HNRNPUL1: variants seen among roughly 807,000 people sequenced by gnomAD.
HNRNPUL1 encodes heterogeneous nuclear ribonucleoprotein U like 1.
A neutral mutation model predicts 108.5 loss-of-function variants in HNRNPUL1; 14 were observed. The observed-to-expected ratio is 0.13, with a 90% CI of 0.09 to 0.20. The LOEUF is 0.20. HNRNPUL1 is among the 10% of genes least tolerant of loss of function. The pLI, the probability that HNRNPUL1 is intolerant of heterozygous loss-of-function variation, is 1.00. For missense variants in HNRNPUL1, 804 were observed against 1,168.3 expected (o/e 0.69, Z 4.55); for synonymous variants, 422 against 445.2 (o/e 0.95, Z 0.66).
At chr19:41,297,733 C>T (rs2036972819) in intron 10 of HNRNPUL1, among the ~76,000 whole-genome samples, 1 of 152,178 alleles carries the variant, frequency 6.6e-6, no homozygotes, top group Admixed American at 6.5e-5. Flanking sequence ...CCAGGCCAGG[C>T]ATCAGTTAGA....
At position 41,305,824 on chromosome 19, in the gene HNRNPUL1, C is replaced by A. The variant is rs767942940; in HGVS notation, c.2411C>A (p.Thr804Asn). Reference sequence around the variant, plus strand: ...CCCTATACCCCACCGCCACCCCCCACTGCACAGACCTACCCTCAGCCCAGC... The same window carrying A: ...CCCTATACCCCACCGCCACCCCCCAATGCACAGACCTACCCTCAGCCCAGC... ...PAPYTPPPPPTAQTYPQPSYN... is the reference protein window; with the variant it reads ...PAPYTPPPPPNAQTYPQPSYN... Residue 804 changes from threonine (T) to asparagine (N), a missense_variant, in exon 14 of 15, where the codon ACT becomes AAT. Physicochemically the swap from Thr to Asn is moderately conservative, Grantham distance 65 (BLOSUM62 0). Coordinates refer to ENST00000392006, the MANE Select transcript of HNRNPUL1 (RefSeq NM_007040.6). 7 of 1,609,580 alleles carry A rather than the reference C, an allele frequency of 4.3e-6. No individual in the cohort carries two copies. The highest frequency in any genetic ancestry group is 1.7e-5 in the Admixed American group (1 of 59,894).
At chr19:41,303,011 C>G in intron 12 of HNRNPUL1, 62 bp downstream of exon 12, 3 of 1,479,344 alleles carry the variant, frequency 2.0e-6, no homozygotes, top group Non-Finnish European at 2.7e-6. Context: ...TGGGCTTTGA[C>G]TGCTTATTCA....
chr19:41,265,476 T>C, intron 1 of HNRNPUL1: 1 of 1,189,722 alleles, frequency 8.4e-7, no homozygotes, highest in South Asian at 1.6e-5. Flanking sequence ...GGCACCCCCA[T>C]CTCTCTTCCG....
intron 11 of HNRNPUL1, 197 bp from the exon 12 acceptor site, chr19:41,302,468 C>T (rs1399280012): frequency 1.4e-6 from 1 of 690,192 alleles, no homozygotes; most frequent in Admixed American, 2.1e-5. Context: ...ATCCACCCGC[C>T]TCGGCCTCCC....
rs988094890 is a variant in HNRNPUL1 at position 41,291,245 on chromosome 19, C to T, written c.1000-1000C>T. Among the ~76,000 whole-genome samples, 5 of 152,170 alleles carry T rather than the reference C, an allele frequency of 3.3e-5. 1 individual carries two copies. The South Asian group carries it at 6.2e-4, about 19-fold the overall frequency. On this transcript the variant is annotated intron_variant, in intron 7 of 14. Transcript: ENST00000392006. ...ACAAGCAACTGAGAAACCTCAGAAA[C>T]TTGCTTCTAGGTAGGTCATCTTACT...
chr19:41,265,357 T>A, intron 1 of HNRNPUL1: 1 of 443,280 alleles, frequency 2.3e-6, no homozygotes, highest in Non-Finnish European at 3.5e-6. Flanking sequence ...CGGGGGTGGG[T>A]GGGAGAGGTG....
At chr19:41,274,157 A>G in intron 4 of HNRNPUL1, 102 bp downstream of exon 4, 1 of 942,356 alleles carries the variant, frequency 1.1e-6, no homozygotes, top group East Asian at 2.4e-5. Flanking sequence ...GTCCAAAGAC[A>G]TTGTTAGTCC....
At position 41,302,778 on chromosome 19, in the gene HNRNPUL1, G is replaced by C. The variant is rs139278864; in HGVS notation, c.1801G>C (p.Ala601Pro). The change falls in exon 12 of 15, where the codon GCT becomes CCT. Residue 601 changes from alanine (A) to proline (P), a missense_variant. Ala to Pro is a conservative substitution (Grantham distance 27). Transcript: ENST00000392006. ...VRQYNEEGRK[A>P]GPPPEKRFDN... ...GCAGTACAACGAGGAAGGCCGCAAG[G>C]CTGGGCCACCCCCTGAAAAGCGCTT... 1.2e-6 allele frequency: 2 copies of C among 1,613,162 alleles called. No homozygotes were observed. The highest frequency in any genetic ancestry group is 1.3e-5 in the African/African-American group (1 of 75,010).
chr19:41,280,366 A>T (rs2035831219), intron 6 of HNRNPUL1, among the ~76,000 whole-genome samples: 1 of 151,990 alleles, frequency 6.6e-6, no homozygotes, highest in Non-Finnish European at 1.5e-5. Flanking sequence ...GTACCTCCTC[A>T]AAAAGGTAGA....
rs1341416135 is a variant in HNRNPUL1 at position 41,292,871 on chromosome 19, G to T, written c.1266+360G>T. On this transcript the variant is annotated intron_variant, in intron 8 of 14. Coordinates refer to ENST00000392006, the MANE Select transcript of HNRNPUL1 (RefSeq NM_007040.6). The surrounding 1 kb of genome is among the most constrained non-coding windows in gnomAD (Gnocchi z 4.1). ...TTCTTTTTTTTTCTTTAGAGACAGG[G>T]TCTCGCTCTGTCACCCAGGCTGGAG... Among the ~76,000 whole-genome samples, 1 of 152,080 alleles carries T rather than the reference G, an allele frequency of 6.6e-6. No homozygotes were observed. The highest frequency in any genetic ancestry group is 2.4e-5 in the African/African-American group (1 of 41,390).
chr19:41,279,884 C>G (rs1372303926), intron 6 of HNRNPUL1, among the ~76,000 whole-genome samples: 1 of 152,164 alleles, frequency 6.6e-6, no homozygotes, highest in African/African-American at 2.4e-5. Flanking sequence ...TTTTGTACAT[C>G]TTTAAACTGG....
chr19:41,305,880 C>G lies in HNRNPUL1; in HGVS notation c.2454+13C>G, dbSNP rs768609395. The G allele has an allele frequency of 6.5e-6, 10 of 1,545,474 alleles. No homozygotes were observed. Among genetic ancestry groups the G allele is most frequent in the Non-Finnish European group, 8.9e-6 (10 of 1,127,304 alleles). On this transcript the variant is annotated intron_variant, in intron 14 of 14. Transcript: ENST00000392006. ...CCAGTATCAGCAGGTAGGTGCCAGA[C>G]TGGGGGCCAACTGGATGGAGAGACT...
chr19:41,276,127 C>T, intron 4 of HNRNPUL1, 32 bp from the exon 5 acceptor site: 8 of 1,613,492 alleles, frequency 5.0e-6, no homozygotes, highest in Non-Finnish European at 6.8e-6. Flanking sequence ...AAAATAAAAA[C>T]ATCAGCCAAC....
At chr19:41,268,789 C>CAGA (rs2035021341) in intron 2 of HNRNPUL1, among the ~76,000 whole-genome samples, 1 of 151,694 alleles carries the variant, frequency 6.6e-6, no homozygotes, top group South Asian at 2.1e-4. Flanking sequence ...ACCCAGGAGG[C>CAGA]GGAGGTTGCA....
intron 10 of HNRNPUL1, among the ~76,000 whole-genome samples, chr19:41,295,112 A>C (rs2036812505): frequency 2.0e-5 from 3 of 152,178 alleles, no homozygotes; most frequent in African/African-American, 7.2e-5. Flanking sequence ...AGGACCTGGC[A>C]CTTAGTAGCT....
At chr19:41,265,372 C>G (rs929247236) in intron 1 of HNRNPUL1, 1 of 1,518,450 alleles carries the variant, frequency 6.6e-7, no homozygotes, top group African/African-American at 1.4e-5. Context: ...GAGGTGGAGG[C>G]GCTGGTGTCT....
intron 7 of HNRNPUL1, among the ~76,000 whole-genome samples, chr19:41,288,625 A>G (rs1318018759): frequency 6.6e-6 from 1 of 152,140 alleles, no homozygotes; most frequent in Non-Finnish European, 1.5e-5. Flanking sequence ...TGACTGTACC[A>G]TAATTGATTT....
At chr19:41,266,217 G>A (rs988684501) in intron 1 of HNRNPUL1, among the ~76,000 whole-genome samples, 2 of 152,044 alleles carry the variant, frequency 1.3e-5, no homozygotes, top group East Asian at 1.9e-4. Flanking sequence ...GGCGGATCAC[G>A]AGGTCAGGAG....
At chr19:41,268,484 C>A in intron 2 of HNRNPUL1, 139 bp downstream of exon 2, 1 of 889,606 alleles carries the variant, frequency 1.1e-6, no homozygotes, top group Non-Finnish European at 1.7e-6. Flanking sequence ...GTCACTCTGG[C>A]AAGAATTGTT....
Sources: allele counts gnomAD v4.1 joint callset (sites outside exome capture counted in the v4.1 genomes callset), GRCh38; gene constraint gnomAD v4.1.1; non-coding constraint Gnocchi (gnomAD v3.1); transcripts MANE v1.5; gene names NCBI Gene and HGNC (gene_info 2026-07-23, HGNC 2026-07-21).